The following TMEM132B variants were observed in gnomAD, a reference collection of about 807,000 sequenced individuals.
The protein encoded by TMEM132B is transmembrane protein 132B.
A neutral mutation model predicts 90.8 loss-of-function variants in TMEM132B; 18 were observed. The ratio of observed to expected loss-of-function variants is 0.20; its 90% CI spans 0.14 to 0.29. The LOEUF is 0.29. Ranked by LOEUF, TMEM132B falls within the 10% of genes least tolerant of loss-of-function variation. The pLI is 1.00. For missense variants in TMEM132B, 1,096 were observed against 1,326.8 expected (o/e 0.83, Z 2.70); for synonymous variants, 504 against 523.3 (o/e 0.96, Z 0.50).
intron 1 of TMEM132B, among the ~76,000 whole-genome samples, chr12:125,336,764 C>A (rs325076): frequency 0.027 from 4,160 of 152,322 alleles, 198 homozygotes; most frequent in African/African-American, 0.094. Context: ...GATGAAGTGA[C>A]TTGCCTTGGT....
chr12:125,628,349 G>A (rs576788320), intron 5 of TMEM132B, among the ~76,000 whole-genome samples: 1 of 152,138 alleles, frequency 6.6e-6, no homozygotes, highest in South Asian at 2.1e-4. Context: ...TTTAACTGGG[G>A]TGAGATAATA....
Position 125,345,011 on chromosome 12 carries a change from A to G in TMEM132B, c.68-4441A>G, listed in dbSNP as rs144634448. 2.6e-5 allele frequency among the ~76,000 whole-genome samples: 4 copies of G among 152,296 alleles called. No individual in the cohort carries two copies. The East Asian group carries it at 5.8e-4, about 22-fold the overall frequency. ...CTTTTGGCTCCTGGCCTTCACGACC[A>G]TGAAATCAGTAAGGGTTGTGATTAT... is the stretch of plus-strand genomic sequence containing the variant. On this transcript the variant is annotated intron_variant, in intron 1 of 8. Transcript: ENST00000682704.
chr12:125,208,968 TGTCCCCTCTGAGTGCTGC>T (rs1278021073), intron 1 of TMEM132B, among the ~76,000 whole-genome samples: 3 of 152,168 alleles, frequency 2.0e-5, no homozygotes, highest in Non-Finnish European at 2.9e-5. Flanking sequence ...TCTGTAGCTG[TGTCCCCTCTGAGTGCTGC>T]GTCCCCTCTG....
At chr12:125,201,245 C>T (rs1263783296) in intron 1 of TMEM132B, among the ~76,000 whole-genome samples, 7 of 152,248 alleles carry the variant, frequency 4.6e-5, no homozygotes, top group Admixed American at 1.3e-4. Context: ...ACACAGGCTC[C>T]GAAGCAGCCT....
chr12:125,574,808 ACACTGAATCAT>A (rs1056496058), intron 4 of TMEM132B, among the ~76,000 whole-genome samples: 1 of 151,750 alleles, frequency 6.6e-6, no homozygotes, highest in Non-Finnish European at 1.5e-5. Context: ...CTTTCACAAA[ACACTGAATCAT>A]CACTGACATT....
chr12:125,381,850 C>T lies in TMEM132B; in HGVS notation c.959+31507C>T, dbSNP rs547693471. Among the ~76,000 whole-genome samples the T allele has an allele frequency of 1.0e-3, 154 of 152,268 alleles. 2 individuals carry two copies. Among genetic ancestry groups the T allele is most frequent in the African/African-American group, 3.5e-3 (145 of 41,562 alleles). On this transcript the variant is annotated intron_variant, in intron 2 of 8. Transcript: ENST00000682704. Reference sequence around the variant, plus strand: ...TGCATAGGTTACTGGGGAAGATATTCTATGGATGCCAATGGGAAATGCAAT... The same window carrying T: ...TGCATAGGTTACTGGGGAAGATATTTTATGGATGCCAATGGGAAATGCAAT...
rs2137069359 is a variant in TMEM132B at position 125,658,789 on chromosome 12, T to A, written c.*4079T>A. ...ATCTAAACTGATAGTGGGAAAAACA[T>A]TTGAGACCTAGTAACATCATGAAAT... On this transcript the variant is annotated 3_prime_UTR_variant, in exon 9 of 9. Transcript: ENST00000682704. 6.6e-6 allele frequency: 1 copy of A among 152,288 alleles called. No homozygotes were observed. The highest frequency in any genetic ancestry group is 1.9e-4 in the East Asian group (1 of 5,184). The allele number at this position is 152,288 out of a possible 1,614,324, so 9.4% of individuals were successfully genotyped here.
At chr12:125,207,295 C>G (rs998507262) in intron 1 of TMEM132B, among the ~76,000 whole-genome samples, 1 of 152,230 alleles carries the variant, frequency 6.6e-6, no homozygotes, top group East Asian at 1.9e-4. Flanking sequence ...AGCCCCAGTT[C>G]ACTCCACTGG....
At chr12:125,434,233 G>T (rs148507185) in intron 3 of TMEM132B, among the ~76,000 whole-genome samples, 1 of 152,078 alleles carries the variant, frequency 6.6e-6, no homozygotes, top group African/African-American at 2.4e-5. Flanking sequence ...CGACCCTGAC[G>T]CTCCTGTCCC....
chr12:125,640,808 T>A (rs1886611211), intron 5 of TMEM132B, among the ~76,000 whole-genome samples: 2 of 151,648 alleles, frequency 1.3e-5, no homozygotes, highest in African/African-American at 2.4e-5. Flanking sequence ...GAAAGGAGAG[T>A]GTTGCGGCAA....
chr12:125,248,943 A>G (rs1344502217), intron 1 of TMEM132B, among the ~76,000 whole-genome samples: 1 of 151,782 alleles, frequency 6.6e-6, no homozygotes, highest in Non-Finnish European at 1.5e-5. Flanking sequence ...CTTATTAACC[A>G]CCTGCCAGTC....
intron 4 of TMEM132B, among the ~76,000 whole-genome samples, chr12:125,546,268 C>T (rs1057160086): frequency 2.0e-5 from 3 of 152,058 alleles, no homozygotes; most frequent in African/African-American, 4.8e-5. Context: ...CTGCAAGCTC[C>T]GCATCCTGGG....
At chr12:125,584,264 G>T (rs777819758) in intron 5 of TMEM132B, 1 of 466,882 alleles carries the variant, frequency 2.1e-6, no homozygotes, top group Admixed American at 3.4e-5. Flanking sequence ...TCCCCTTCTT[G>T]TCTCCCCTAT....
intron 4 of TMEM132B, among the ~76,000 whole-genome samples, chr12:125,531,675 AGCAAGGTGTTCT>A (rs533550286): frequency 3.3e-5 from 5 of 152,242 alleles, no homozygotes; most frequent in Non-Finnish European, 7.3e-5. Flanking sequence ...TAACAGAATG[AGCAAGGTGTTCT>A]GCAAACAGCC....
chr12:125,399,097 C>A lies in TMEM132B; in HGVS notation c.960-16434C>A, dbSNP rs969142061. Among the ~76,000 whole-genome samples, 4 of 152,196 alleles carry A rather than the reference C, an allele frequency of 2.6e-5. No individual in the cohort carries two copies. In the South Asian group the frequency reaches 8.3e-4, roughly 32 times the overall value. On this transcript the variant is annotated intron_variant, in intron 2 of 8. Coordinates refer to ENST00000682704, the MANE Select transcript of TMEM132B (RefSeq NM_001366854.1). Reference sequence around the variant, plus strand: ...AACCTGACTGCCTGTTTCTTCAAAGCCACCCAAGAAGATAGTTCTAGTCAG... The same window carrying A: ...AACCTGACTGCCTGTTTCTTCAAAGACACCCAAGAAGATAGTTCTAGTCAG...
At position 125,400,809 on chromosome 12, in the gene TMEM132B, G is replaced by A. The variant is rs73235406; in HGVS notation, c.960-14722G>A. Reference sequence around the variant, plus strand: ...GAAAATGTTCCCGTGCCCCAGGCTGGGCTTATCTCAGAAAGGGTGTTGAAC... The same window carrying A: ...GAAAATGTTCCCGTGCCCCAGGCTGAGCTTATCTCAGAAAGGGTGTTGAAC... On this transcript the variant is annotated intron_variant, in intron 2 of 8. Transcript: ENST00000682704. Among the ~76,000 whole-genome samples, 457 of 152,280 alleles carry A rather than the reference G, an allele frequency of 3.0e-3. 1 individual carries two copies. The highest frequency in any genetic ancestry group is 5.3e-3 in the Non-Finnish European group (359 of 68,024).
intron 1 of TMEM132B, among the ~76,000 whole-genome samples, chr12:125,309,169 A>T (rs1349924374): frequency 1.3e-5 from 2 of 152,190 alleles, no homozygotes; most frequent in Admixed American, 6.5e-5. Context: ...TGGTCAGGAG[A>T]CATTCAGATT....
rs929185732 is a variant in TMEM132B at position 125,485,685 on chromosome 12, A to G, written c.1107-33754A>G. On this transcript the variant is annotated intron_variant, in intron 3 of 8. Coordinates refer to ENST00000682704, the MANE Select transcript of TMEM132B (RefSeq NM_001366854.1). ...CTTTGAAGTTACTGTAGTTCCATCC[A>G]TTAAGTTAACAGTTCTGGGTATATT... Among the ~76,000 whole-genome samples, 90 of 152,136 alleles carry G rather than the reference A, an allele frequency of 5.9e-4. 1 individual carries two copies. Among genetic ancestry groups the G allele is most frequent in the Non-Finnish European group, 4.4e-5 (3 of 68,022 alleles).
intron 4 of TMEM132B, among the ~76,000 whole-genome samples, chr12:125,550,485 TCTGA>T (rs1884199100): frequency 6.6e-6 from 1 of 152,266 alleles, no homozygotes; most frequent in Non-Finnish European, 1.5e-5. Context: ...CTGGCTGTAC[TCTGA>T]CTGATACATT....
Sources: gnomAD v4.1 joint callset for allele counts (sites outside exome capture counted in the v4.1 genomes callset) on GRCh38, gnomAD v4.1.1 for gene constraint, MANE v1.5 for transcripts, NCBI Gene and HGNC (gene_info 2026-07-23, HGNC 2026-07-21) for gene names.